The following KCNQ1 variants were observed in gnomAD, a reference collection of about 807,000 sequenced individuals.
The protein encoded by KCNQ1 is potassium voltage-gated channel subfamily Q member 1.
Under a neutral mutation model 72.4 loss-of-function variants are expected in KCNQ1, and 49 were observed. The ratio of observed to expected loss-of-function variants is 0.68; its 90% CI spans 0.54 to 0.86. The LOEUF (loss-of-function observed/expected upper bound fraction) is 0.86, where lower values mean the gene tolerates loss of function less well. Among genes scored for constraint, KCNQ1 ranks in the 40% least tolerant of loss-of-function variants. The pLI is 0.00. For synonymous variants in KCNQ1, 450 were observed against 412.6 expected (o/e 1.09, Z -1.10); for missense variants, 790 against 945.1 (o/e 0.84, Z 2.15).
chr11:2,654,667 G>A lies in KCNQ1; in HGVS notation c.1394-7294G>A. The A allele has an allele frequency of 2.5e-6, 1 of 398,962 alleles. No individual in the cohort carries two copies. The highest frequency in any genetic ancestry group is 4.4e-5 in the Admixed American group (1 of 22,744). The allele number at this position is 398,962 out of a possible 1,614,324, so 24.7% of individuals were successfully genotyped here. On this transcript the variant is annotated intron_variant, in intron 10 of 15. Coordinates refer to ENST00000155840, the MANE Select transcript of KCNQ1 (RefSeq NM_000218.3). This position sits in a 1 kb window ranked among gnomAD's most constrained non-coding sequence, Gnocchi z 6.4. ...TCTCTTGAGGGCAGAGGGCAGCAGA[G>A]ATGGGCTGGAGCTTTGAGCTTTGTC...
chr11:2,679,799 G>A lies in KCNQ1; in HGVS notation c.1514+17718G>A, dbSNP rs1216337739. 1 of 398,518 alleles carries A rather than the reference G, an allele frequency of 2.5e-6. No homozygotes were observed. Among genetic ancestry groups the A allele is most frequent in the Non-Finnish European group, 4.4e-6 (1 of 226,076 alleles). The allele number at this position is 398,518 out of a possible 1,614,324, so 24.7% of individuals were successfully genotyped here. A position where few individuals can be genotyped will look rare whatever the true frequency, so the allele number is the denominator to read the frequency against. ...GGCCTGTTAGGCCAGTTGAGGGCTA[G>A]AGGAGCACAAGGGGCCAGACTGCTG... On this transcript the variant is annotated intron_variant, in intron 11 of 15. Transcript: ENST00000155840. This position sits in a 1 kb window ranked among gnomAD's most constrained non-coding sequence, Gnocchi z 4.8.
intron 2 of KCNQ1, among the ~76,000 whole-genome samples, chr11:2,569,681 G>A (rs1848298970): frequency 6.6e-6 from 1 of 152,238 alleles, no homozygotes; most frequent in African/African-American, 2.4e-5. Context: ...CACCCCGGCT[G>A]CCTGGGCGCT....
At chr11:2,810,816 T>G (rs1395591603) in intron 15 of KCNQ1, among the ~76,000 whole-genome samples, 2 of 152,214 alleles carry the variant, frequency 1.3e-5, no homozygotes, top group African/African-American at 4.8e-5. Flanking sequence ...GAACCCCATA[T>G]GTTAGAGCTC....
At chr11:2,606,566 T>C (rs1354547868) in intron 10 of KCNQ1, among the ~76,000 whole-genome samples, 1 of 152,210 alleles carries the variant, frequency 6.6e-6, no homozygotes, top group Admixed American at 6.5e-5. Flanking sequence ...TGTAAGCTTC[T>C]TGAGGCCCTC....
chr11:2,672,973 T>G, intron 11 of KCNQ1: 1 of 398,774 alleles, frequency 2.5e-6, no homozygotes, highest in Non-Finnish European at 4.4e-6. Flanking sequence ...CTGAGTCCCC[T>G]GCAGGCCTTG....
At chr11:2,474,965 C>G (rs573925159) in intron 1 of KCNQ1, among the ~76,000 whole-genome samples, 74 of 152,286 alleles carry the variant, frequency 4.9e-4, no homozygotes, top group African/African-American at 1.6e-3. Context: ...GACTTCAGAG[C>G]TGACCTTTGT....
chr11:2,657,711 C>T lies in KCNQ1; in HGVS notation c.1394-4250C>T, dbSNP rs1365687151. On this transcript the variant is annotated intron_variant, in intron 10 of 15. Coordinates refer to ENST00000155840, the MANE Select transcript of KCNQ1 (RefSeq NM_000218.3). This position sits in a 1 kb window ranked among gnomAD's most constrained non-coding sequence, Gnocchi z 4.8. ...TTCCAAGATCCCATCTAGGATCGAT[C>T]ATTACATTTATTGTCATCTCTGATC... 12 of 398,604 alleles carry T rather than the reference C, an allele frequency of 3.0e-5. No individual in the cohort carries two copies. Among genetic ancestry groups the T allele is most frequent in the Non-Finnish European group, 4.9e-5 (11 of 226,062 alleles). 24.7% of individuals were successfully genotyped at this position (398,604 alleles called of 1,614,324 possible).
chr11:2,569,267 G>A (rs179486), intron 2 of KCNQ1, among the ~76,000 whole-genome samples: 21,091 of 152,238 alleles, frequency 0.14, 1,706 homozygotes, highest in Middle Eastern at 0.19. Context: ...AGGATTTGAC[G>A]TCATGAGCCA....
chr11:2,719,006 T>C (rs949059520), intron 11 of KCNQ1, among the ~76,000 whole-genome samples: 2 of 152,224 alleles, frequency 1.3e-5, no homozygotes, highest in African/African-American at 2.4e-5. Flanking sequence ...CCAGGGACCA[T>C]AGACCACAGA....
rs1354326912 is a variant in KCNQ1, at chr11:2,769,486, T to G, written c.1590+567T>G. 6.6e-6 allele frequency among the ~76,000 whole-genome samples: 1 copy of G among 152,150 alleles called. No individual in the cohort carries two copies. The highest frequency in any genetic ancestry group is 1.5e-5 in the Non-Finnish European group (1 of 68,028). On this transcript the variant is annotated intron_variant, in intron 12 of 15. Transcript: ENST00000155840. The surrounding 1 kb of genome is among the most constrained non-coding windows in gnomAD (Gnocchi z 4.6). ...GCTCCAGGGCTTCCATAAGCTGCCC[T>G]AACTTCTCCAGGGGCATGTCCCCCC...
At chr11:2,806,128 C>G (rs1349546022) in intron 15 of KCNQ1, among the ~76,000 whole-genome samples, 2 of 152,112 alleles carry the variant, frequency 1.3e-5, no homozygotes, top group Non-Finnish European at 2.9e-5. Context: ...GAGGTGGTGC[C>G]CAAAACATCA....
At chr11:2,831,488 G>A (rs1455790836) in intron 15 of KCNQ1, among the ~76,000 whole-genome samples, 1 of 152,040 alleles carries the variant, frequency 6.6e-6, no homozygotes. Context: ...AGGTCTCTGG[G>A]TCCCTCTGGT....
chr11:2,615,005 T>G, intron 10 of KCNQ1: 1 of 398,468 alleles, frequency 2.5e-6, no homozygotes, highest in Non-Finnish European at 4.4e-6. Flanking sequence ...TTAACAATAT[T>G]TAATCTTCCA....
At chr11:2,656,222 A>G (rs1385407815) in intron 10 of KCNQ1, 1 of 398,546 alleles carries the variant, frequency 2.5e-6, no homozygotes, top group Non-Finnish European at 4.4e-6. Flanking sequence ...ATGAAGTTTT[A>G]GCTCTGTCAC....
In KCNQ1 at chr11:2,530,840, G is replaced by T. The variant is rs530753835; in HGVS notation, c.477+2822G>T. ...GTGTATTTATGTATAGCTATGTGTC[G>T]CTGCGTGTGTGTACCTATGTGTATG... On this transcript the variant is annotated intron_variant, in intron 2 of 15. Transcript: ENST00000155840. 5.0e-4 allele frequency among the ~76,000 whole-genome samples: 76 copies of T among 152,236 alleles called. 1 individual carries two copies. Among genetic ancestry groups the T allele is most frequent in the Admixed American group, 9.8e-4 (15 of 15,300 alleles).
intron 1 of KCNQ1, among the ~76,000 whole-genome samples, chr11:2,501,497 C>A (rs1221743493): frequency 6.6e-6 from 1 of 152,016 alleles, no homozygotes; most frequent in Non-Finnish European, 1.5e-5. Flanking sequence ...CAAACCTGAA[C>A]AGACCACTAA....
intron 11 of KCNQ1, among the ~76,000 whole-genome samples, chr11:2,737,268 G>A (rs916737461): frequency 2.0e-4 from 31 of 152,164 alleles, no homozygotes; most frequent in African/African-American, 6.5e-4. Flanking sequence ...AAGGGGTGCC[G>A]GTGGAGAGGG....
At chr11:2,556,279 C>T (rs1442956200) in intron 2 of KCNQ1, among the ~76,000 whole-genome samples, 1 of 152,186 alleles carries the variant, frequency 6.6e-6, no homozygotes, top group African/African-American at 2.4e-5. Context: ...TGCAGCAACC[C>T]TATTTCCAAA....
In KCNQ1 at chr11:2,613,934, T is replaced by C. The variant is rs1289347518; in HGVS notation, c.1393+25080T>C. The C allele has an allele frequency of 2.5e-6, 1 of 398,480 alleles. No individual in the cohort carries two copies. The highest frequency in any genetic ancestry group is 4.4e-5 in the Admixed American group (1 of 22,718). 24.7% of individuals were successfully genotyped at this position (398,480 alleles called of 1,614,324 possible). On this transcript the variant is annotated intron_variant, in intron 10 of 15. Transcript: ENST00000155840. This position sits in a 1 kb window ranked among gnomAD's most constrained non-coding sequence, Gnocchi z 4.8. ...TATTCTGTATATGCCCTTTTGAACT[T>C]TGCTTTTCTCACCTAACAACATCTC...
Sources: allele counts gnomAD v4.1 joint callset (sites outside exome capture counted in the v4.1 genomes callset), GRCh38; gene constraint gnomAD v4.1.1; non-coding constraint Gnocchi (gnomAD v3.1); transcripts MANE v1.5; gene names NCBI Gene and HGNC (gene_info 2026-07-23, HGNC 2026-07-21).